The following MGAT4C variants were observed in gnomAD, a reference collection of about 807,000 sequenced individuals.
MGAT4C encodes the protein MGAT4 family member C, also known as alpha-1,3-mannosyl-glycoprotein 4-beta-N-acetylglucosaminyltransferase C.
In MGAT4C, 19 loss-of-function variants were observed where a neutral mutation model predicts 40.1. The ratio of observed to expected loss-of-function variants is 0.47; its 90% confidence interval spans 0.33 to 0.70. The LOEUF (loss-of-function observed/expected upper bound fraction) is 0.70. MGAT4C is among the 30% of genes least tolerant of loss of function. The pLI, the probability that MGAT4C is intolerant of heterozygous loss-of-function variation, is 0.02. For missense variants in MGAT4C, 491 were observed against 563.2 expected, an observed-to-expected ratio of 0.87 and a Z score of 1.30; for synonymous variants, 181 against 187.1, an observed-to-expected ratio of 0.97 and a Z score of 0.27.
intron 1 of MGAT4C, among the ~76,000 whole-genome samples, chr12:86,765,726 A>G (rs570206098): frequency 6.8e-4 from 103 of 152,336 alleles, no homozygotes; most frequent in African/African-American, 2.3e-3. Context: ...ATTCTTAAAG[A>G]AAAGAATATT....
At chr12:86,314,395 A>G (rs1451542999) in intron 4 of MGAT4C, among the ~76,000 whole-genome samples, 1 of 152,190 alleles carries the variant, frequency 6.6e-6, no homozygotes, top group Non-Finnish European at 1.5e-5. Flanking sequence ...TAAGACAAGT[A>G]TGCTCACTCT....
intron 1 of MGAT4C, among the ~76,000 whole-genome samples, chr12:86,761,320 A>G (rs1951401699): frequency 6.6e-6 from 1 of 152,194 alleles, no homozygotes; most frequent in African/African-American, 2.4e-5. Context: ...TTGTGAGAGT[A>G]CTGAGGTAGT....
intron 1 of MGAT4C, among the ~76,000 whole-genome samples, chr12:86,136,640 A>T (rs1881993983): frequency 6.6e-6 from 1 of 152,162 alleles, no homozygotes; most frequent in African/African-American, 2.4e-5. Context: ...CCTACCCTGC[A>T]AACATTTCCT....
chr12:86,765,934 C>A (rs1334329660), intron 1 of MGAT4C, among the ~76,000 whole-genome samples: 1 of 152,136 alleles, frequency 6.6e-6, no homozygotes, highest in Non-Finnish European at 1.5e-5. Flanking sequence ...TAAAGACCAT[C>A]AAGACTAGGA....
intron 2 of MGAT4C, among the ~76,000 whole-genome samples, chr12:86,009,664 CTGCTTTTCTTTTAGT>C (rs1373808513): frequency 2.0e-5 from 3 of 152,200 alleles, no homozygotes; most frequent in Admixed American, 1.3e-4. Flanking sequence ...TTTATTAATT[CTGCTTTTCTTTTAGT>C]TGTTTAAGGA....
At chr12:86,071,736 T>C (rs1868522203) in intron 1 of MGAT4C, among the ~76,000 whole-genome samples, 1 of 152,146 alleles carries the variant, frequency 6.6e-6, no homozygotes, top group Non-Finnish European at 1.5e-5. Flanking sequence ...TATCCCATTT[T>C]ACATATTCAA....
chr12:86,024,102 A>AC lies in MGAT4C; in HGVS notation c.-7+25571dup, dbSNP rs537442901. Among the ~76,000 whole-genome samples the AC allele has an allele frequency of 2.1e-3, 325 of 151,992 alleles. 2 individuals carry two copies. Among genetic ancestry groups the AC allele is most frequent in the Middle Eastern group, 0.01 (3 of 294 alleles). Reference sequence around the variant, plus strand: ...TGCATTTTGTACAATTATGGATGTTACTTTTTTCTTTATACCTTTCTATAT... The same window carrying AC: ...TGCATTTTGTACAATTATGGATGTTACCTTTTTTCTTTATACCTTTCTATAT... On this transcript the variant is annotated intron_variant, in intron 2 of 4. Transcript: ENST00000611864.
Position 85,960,515 on chromosome 12 carries a change from T to A in MGAT4C, c.*18774A>T, listed in dbSNP as rs1883057510. ...TAGCATGTGACATGCTCTCAGCAAA[T>A]CAATTAATCCTTCATTCTTTTTTTC... On this transcript the variant is annotated 3_prime_UTR_variant, in exon 5 of 5. Transcript: ENST00000611864. 1 of 151,994 alleles carries A rather than the reference T, an allele frequency of 6.6e-6. No individual in the cohort carries two copies. The highest frequency in any genetic ancestry group is 1.9e-4 in the East Asian group (1 of 5,196). The allele number at this position is 151,994 out of a possible 1,614,324, so 9.4% of individuals were successfully genotyped here. A position where few individuals can be genotyped will look rare whatever the true frequency, so the allele number is the denominator to read the frequency against.
intron 3 of MGAT4C, among the ~76,000 whole-genome samples, chr12:86,388,236 T>G (rs1018069315): frequency 2.6e-5 from 4 of 152,106 alleles, no homozygotes; most frequent in African/African-American, 9.7e-5. Context: ...GAGTTTGTAT[T>G]TAGTTGGATT....
At position 86,131,010 on chromosome 12, in the gene MGAT4C, T is replaced by A. The variant is rs575388344; in HGVS notation, c.-56-81287A>T. On this transcript the variant is annotated intron_variant, in intron 1 of 4. Coordinates refer to ENST00000611864, the MANE Select transcript of MGAT4C (RefSeq NM_001351288.2). Reference sequence around the variant, plus strand: ...AAAACTGTTATTATATAATAACTAATTCATACTTTGTTAGTTCATCAGTGA... The same window carrying A: ...AAAACTGTTATTATATAATAACTAAATCATACTTTGTTAGTTCATCAGTGA... Among the ~76,000 whole-genome samples the A allele has an allele frequency of 3.2e-3, 480 of 152,208 alleles. 1 individual carries two copies. The highest frequency in any genetic ancestry group is 0.011 in the African/African-American group (439 of 41,572).
At chr12:86,128,385 G>A (rs747152522) in intron 1 of MGAT4C, among the ~76,000 whole-genome samples, 6 of 150,586 alleles carry the variant, frequency 4.0e-5, no homozygotes, top group Admixed American at 6.6e-5. Flanking sequence ...TCTCATGGTA[G>A]TGAATAAATC....
At chr12:86,408,477 C>CTATATATATA (rs1222218802) in intron 3 of MGAT4C, among the ~76,000 whole-genome samples, 12 of 97,562 alleles carry the variant, frequency 1.2e-4, no homozygotes, top group African/African-American at 4.3e-4. Context: ...CTCTCTCTCT[C>CTATATATATA]TCTATATATA....
chr12:86,181,334 AC>A (rs1363387465), intron 1 of MGAT4C, among the ~76,000 whole-genome samples: 2 of 152,190 alleles, frequency 1.3e-5, no homozygotes, highest in Non-Finnish European at 2.9e-5. Flanking sequence ...TTTGATGGTA[AC>A]TTAACATTTA....
At chr12:86,373,070 A>G (rs554019107) in intron 3 of MGAT4C, among the ~76,000 whole-genome samples, 53 of 151,840 alleles carry the variant, frequency 3.5e-4, no homozygotes, top group African/African-American at 1.2e-3. Context: ...TATTAATAGT[A>G]TTTTGATATA....
chr12:86,468,760 C>T (rs1957717470), intron 2 of MGAT4C, among the ~76,000 whole-genome samples: 1 of 152,024 alleles, frequency 6.6e-6, no homozygotes, highest in Non-Finnish European at 1.5e-5. Context: ...ATTACCTTTA[C>T]CCCATCTTTT....
chr12:86,634,863 G>T (rs1260740678), intron 2 of MGAT4C, among the ~76,000 whole-genome samples: 1 of 152,112 alleles, frequency 6.6e-6, no homozygotes, highest in Non-Finnish European at 1.5e-5. Context: ...GCAAGTCATA[G>T]GTTCAGCCTT....
intron 3 of MGAT4C, among the ~76,000 whole-genome samples, chr12:86,418,999 A>G (rs1363038397): frequency 6.6e-6 from 1 of 152,172 alleles, no homozygotes; most frequent in East Asian, 1.9e-4. Context: ...ACCTTTCTCT[A>G]GGTTAAAGAG....
At chr12:86,408,477 CTCTATATATATATATATATA>C (rs1956526732) in intron 3 of MGAT4C, among the ~76,000 whole-genome samples, 1 of 97,588 alleles carries the variant, frequency 1.0e-5, no homozygotes, top group African/African-American at 4.7e-5. Context: ...CTCTCTCTCT[CTCTATATATATATATATATA>C]TATATATATA....
At chr12:86,474,279 C>T (rs1011212819) in intron 2 of MGAT4C, among the ~76,000 whole-genome samples, 1 of 149,140 alleles carries the variant, frequency 6.7e-6, no homozygotes, top group African/African-American at 2.5e-5. Context: ...GGACAAAAAA[C>T]CAAACACCGC....
Sources: allele counts gnomAD v4.1 joint callset (sites outside exome capture counted in the v4.1 genomes callset), GRCh38; gene constraint gnomAD v4.1.1; transcripts MANE v1.5; gene names NCBI Gene and HGNC (gene_info 2026-07-23, HGNC 2026-07-21).